NEURL1: variants seen among roughly 807,000 people sequenced by gnomAD.
NEURL1 encodes the protein neuralized E3 ubiquitin protein ligase 1.
A neutral mutation model predicts 41.2 loss-of-function variants in NEURL1; 26 were observed. The observed-to-expected ratio is 0.63, with a 90% confidence interval of 0.46 to 0.87. NEURL1 has a LOEUF of 0.87. NEURL1 is among the 40% of genes least tolerant of loss of function. The pLI, the probability that NEURL1 is intolerant of heterozygous loss-of-function variation, is 0.00. For synonymous variants in NEURL1, 400 were observed against 402.3 expected (o/e 0.99, Z 0.07); for missense variants, 761 against 871.1 (o/e 0.87, Z 1.59).
rs1330045497 is a variant in NEURL1 at position 103,558,625 on chromosome 10, T to C, written c.86-12247T>C. On this transcript the variant is annotated intron_variant, in intron 1 of 5. Transcript: ENST00000369780. The surrounding 1 kb of genome is among the most constrained non-coding windows in gnomAD (Gnocchi z 4.2). The stretch of plus-strand genomic sequence containing the variant: ...GACCCATGGGGAAATGAATTCCCAT[T>C]TGGAAAATGGTTTAAGCGGTTACAC... Among the ~76,000 whole-genome samples, 1 of 151,754 alleles carries C rather than the reference T, an allele frequency of 6.6e-6. No individual in the cohort carries two copies. The highest frequency in any genetic ancestry group is 2.4e-5 in the African/African-American group (1 of 41,274).
At chr10:103,579,817 C>T (rs941652361) in intron 3 of NEURL1, among the ~76,000 whole-genome samples, 5 of 152,134 alleles carry the variant, frequency 3.3e-5, no homozygotes, top group Non-Finnish European at 7.4e-5. Flanking sequence ...TGGTGTGCAC[C>T]TGTAGTCCCA....
At chr10:103,497,258 C>G (rs988985524) in intron 1 of NEURL1, among the ~76,000 whole-genome samples, 2 of 152,168 alleles carry the variant, frequency 1.3e-5, no homozygotes, top group African/African-American at 4.8e-5. Flanking sequence ...AGTGGTCAGC[C>G]AGAAGTTCAT....
chr10:103,561,278 CGAGACAGAG>C (rs1592224015), intron 1 of NEURL1, among the ~76,000 whole-genome samples: 1 of 128,680 alleles, frequency 7.8e-6, no homozygotes, highest in South Asian at 2.4e-4. Flanking sequence ...TTTTTTTTTT[CGAGACAGAG>C]TCTCACTCTT....
In NEURL1 at chr10:103,585,159, G is replaced by A; in HGVS notation, c.1273G>A (p.Asp425Asn). The change falls in exon 4 of 6, where the codon GAC (aspartate) becomes AAC (asparagine). Residue 425 changes from aspartate to asparagine, a missense_variant. By Grantham distance (23) the Asp-to-Asn change is conservative (BLOSUM62 1). Transcript: ENST00000369780. ...GGCCGCCGGCATGCAGCTGTGCGTGGACGCCTCGCAGCCGCTTTGGATGCT... is the reference window on the plus strand; with the variant it reads ...GGCCGCCGGCATGCAGCTGTGCGTGAACGCCTCGCAGCCGCTTTGGATGCT... ...GAAAGMQLCV[D>N]ASQPLWMLFG... 11 of 1,590,556 alleles carry A rather than the reference G, an allele frequency of 6.9e-6. No individual in the cohort carries two copies. The highest frequency in any genetic ancestry group is 7.7e-6 in the Non-Finnish European group (9 of 1,174,468).
intron 1 of NEURL1, among the ~76,000 whole-genome samples, chr10:103,554,219 C>A (rs549311354): frequency 3.3e-5 from 5 of 152,330 alleles, no homozygotes; most frequent in African/African-American, 1.2e-4. Context: ...TTTCCCTCTT[C>A]CCTGAGTGTG....
Position 103,577,012 on chromosome 10 carries a change from T to C in NEURL1, c.649+5190T>C, listed in dbSNP as rs541398486. 8.5e-5 allele frequency among the ~76,000 whole-genome samples: 13 copies of C among 152,310 alleles called. No individual in the cohort carries two copies. In the South Asian group the frequency reaches 1.5e-3, roughly 17 times the overall value. On this transcript the variant is annotated intron_variant, in intron 3 of 5. Transcript: ENST00000369780. Reference sequence around the variant, plus strand: ...CATCTGGGCCTTCTGCTTCCCAGGCTAAACCAATATTTACCCTCAGCTGTG... The same window carrying C: ...CATCTGGGCCTTCTGCTTCCCAGGCCAAACCAATATTTACCCTCAGCTGTG...
intron 1 of NEURL1, chr10:103,494,723 G>A (rs2033642599): frequency 2.0e-6 from 1 of 510,786 alleles, no homozygotes; most frequent in Middle Eastern, 5.0e-4. Context: ...TCAGGCCATG[G>A]TCTTAGGCGA....
chr10:103,584,573 C>G lies in NEURL1; in HGVS notation c.687C>G (p.Arg229=). ...ELVLPDCLRP[R]SFTALRRPSL... is the part of the protein sequence containing the mutation. ...TGCTCCCGGACTGTCTGCGGCCGCGCTCCTTCACCGCCCTGCGGCGGCCGT... is the reference window on the plus strand; with the variant it reads ...TGCTCCCGGACTGTCTGCGGCCGCGGTCCTTCACCGCCCTGCGGCGGCCGT... The change falls in exon 4 of 6, where the codon CGC becomes CGG. Residue 229 remains arginine, a synonymous_variant. Transcript: ENST00000369780. The G allele has an allele frequency of 7.1e-7, 1 of 1,417,708 alleles. No individual in the cohort carries two copies. 87.8% of individuals were successfully genotyped at this position (1,417,708 alleles called of 1,614,324 possible). A position where few individuals can be genotyped will look rare whatever the true frequency, so the allele number is the denominator to read the frequency against.
chr10:103,578,899 T>C (rs1448598576), intron 3 of NEURL1, among the ~76,000 whole-genome samples: 1 of 152,150 alleles, frequency 6.6e-6, no homozygotes, highest in Non-Finnish European at 1.5e-5. Context: ...GTGGAGACAG[T>C]AAAGGGCTGG....
At chr10:103,504,755 C>T (rs1034668523) in intron 1 of NEURL1, among the ~76,000 whole-genome samples, 3 of 152,314 alleles carry the variant, frequency 2.0e-5, no homozygotes, top group Middle Eastern at 3.4e-3. Flanking sequence ...TTTAACAGTT[C>T]TTCTCCACTA....
intron 1 of NEURL1, among the ~76,000 whole-genome samples, chr10:103,560,646 A>C (rs2035272035): frequency 6.6e-6 from 1 of 152,112 alleles, no homozygotes; most frequent in Non-Finnish European, 1.5e-5. Flanking sequence ...CATGGCCCCC[A>C]CCCTGGGCAT....
At chr10:103,555,526 C>A in intron 1 of NEURL1, 1 of 945,384 alleles carries the variant, frequency 1.1e-6, no homozygotes, top group Admixed American at 2.8e-5. Context: ...ACTTCTCACT[C>A]CATGGAGGGG....
intron 1 of NEURL1, among the ~76,000 whole-genome samples, chr10:103,499,871 C>T (rs576959953): frequency 4.6e-5 from 7 of 152,326 alleles, no homozygotes; most frequent in East Asian, 1.9e-4. Context: ...GTCCCTCCTT[C>T]GATGCTGCCG....
chr10:103,502,475 G>A (rs537411237), intron 1 of NEURL1, among the ~76,000 whole-genome samples: 19 of 152,260 alleles, frequency 1.2e-4, no homozygotes, highest in African/African-American at 4.3e-4. Flanking sequence ...GAGCGAGAAC[G>A]ATCTTTCTCT....
intron 1 of NEURL1, among the ~76,000 whole-genome samples, chr10:103,564,150 G>A (rs777387872): frequency 2.6e-5 from 4 of 152,192 alleles, no homozygotes; most frequent in African/African-American, 9.6e-5. Flanking sequence ...CTGGGACCCC[G>A]CTGAGAGGCA....
chr10:103,562,407 G>T (rs2035316280), intron 1 of NEURL1, among the ~76,000 whole-genome samples: 1 of 152,162 alleles, frequency 6.6e-6, no homozygotes, highest in African/African-American at 2.4e-5. Flanking sequence ...AACAAAAAAA[G>T]AAAGTGGTCT....
At chr10:103,498,898 A>G (rs185870409) in intron 1 of NEURL1, among the ~76,000 whole-genome samples, 1 of 152,316 alleles carries the variant, frequency 6.6e-6, no homozygotes, top group Admixed American at 6.5e-5. Context: ...ATAATATTCT[A>G]TTGTAAGAGT....
At chr10:103,524,055 G>T (rs1281840481) in intron 1 of NEURL1, among the ~76,000 whole-genome samples, 1 of 152,004 alleles carries the variant, frequency 6.6e-6, no homozygotes, top group African/African-American at 2.4e-5. Flanking sequence ...TTACATTCCC[G>T]CCTGCAGAAA....
intron 1 of NEURL1, among the ~76,000 whole-genome samples, chr10:103,541,035 T>G (rs562866960): frequency 1.4e-4 from 22 of 152,330 alleles, no homozygotes; most frequent in Admixed American, 1.4e-3. Context: ...GGGTCAGTAC[T>G]GCTTATAAAG....
Sources: gnomAD v4.1 joint callset for allele counts (sites outside exome capture counted in the v4.1 genomes callset) on GRCh38, gnomAD v4.1.1 for gene constraint, Gnocchi (gnomAD v3.1) non-coding constraint, MANE v1.5 for transcripts, NCBI Gene and HGNC (gene_info 2026-07-23, HGNC 2026-07-21) for gene names.